Variants in N4BP2 observed in about 807,000 individuals in gnomAD.
The protein encoded by N4BP2 is NEDD4-binding protein 2.
In N4BP2, 91 loss-of-function variants were observed where a neutral mutation model predicts 152.8. The observed-to-expected ratio is 0.60, with a 90% confidence interval of 0.50 to 0.71. The LOEUF (loss-of-function observed/expected upper bound fraction) is 0.71. Ranked by LOEUF, N4BP2 falls within the 30% of genes least tolerant of loss-of-function variation. The pLI, the probability that N4BP2 is intolerant of heterozygous loss-of-function variation, is 0.00. For missense variants in N4BP2, 1,923 were observed against 2,059.1 expected (o/e 0.93, Z 1.28); for synonymous variants, 646 against 705.3 (o/e 0.92, Z 1.33).
chr4:40,180,752 G>A, the N4BP2 span, among the ~76,000 whole-genome samples: 1 of 152,202 alleles, frequency 6.6e-6, no homozygotes, highest in Non-Finnish European at 1.5e-5. Context: ...AAAGGGTGAG[G>A]TTAATCTATT....
chr4:40,170,508 G>A, the N4BP2 span, among the ~76,000 whole-genome samples: 4 of 152,094 alleles, frequency 2.6e-5, no homozygotes, highest in Non-Finnish European at 5.9e-5. Flanking sequence ...AGTCCCATGC[G>A]CCACCACAGT....
In N4BP2 at chr4:40,121,615, T is replaced by C; in HGVS notation, c.3504T>C (p.Thr1168=). Residue 1168 remains threonine (T), a synonymous_variant, in exon 9 of 18, where the codon ACT becomes ACC. Transcript: ENST00000261435. Reference sequence around the variant, plus strand: ...AAGAAATTATTAGCCAAAGAGGAACTTTAGAGAATTCTAATTCTCCTGTGC... The same window carrying C: ...AAGAAATTATTAGCCAAAGAGGAACCTTAGAGAATTCTAATTCTCCTGTGC... ...NLKEIISQRG[T]LENSNSPVPE... The C allele has an allele frequency of 6.2e-7, 1 of 1,614,136 alleles. No individual in the cohort carries two copies. Among genetic ancestry groups the C allele is most frequent in the Non-Finnish European group, 8.5e-7 (1 of 1,179,996 alleles).
chr4:40,111,544 C>G (rs1716885264), intron 5 of N4BP2, among the ~76,000 whole-genome samples: 1 of 152,150 alleles, frequency 6.6e-6, no homozygotes, highest in Non-Finnish European at 1.5e-5. Context: ...TGGTCTCGAA[C>G]TCCTGACCTC....
intron 14 of N4BP2, among the ~76,000 whole-genome samples, chr4:40,141,895 G>A (rs1268642158): frequency 6.6e-6 from 1 of 152,174 alleles, no homozygotes; most frequent in African/African-American, 2.4e-5. Context: ...AGACCAGCCC[G>A]GCCAACACAG....
chr4:40,127,175 C>T (rs1485928346), intron 12 of N4BP2, among the ~76,000 whole-genome samples: 1 of 151,710 alleles, frequency 6.6e-6, no homozygotes, highest in Non-Finnish European at 1.5e-5. Flanking sequence ...AGGCATGAGC[C>T]ACTGTGCCTG....
chr4:40,111,358 T>A (rs1719348668), intron 5 of N4BP2, among the ~76,000 whole-genome samples: 2 of 152,214 alleles, frequency 1.3e-5, no homozygotes, highest in Non-Finnish European at 1.5e-5. Flanking sequence ...TCTTACTCTG[T>A]CACCCAGGCT....
intron 14 of N4BP2, 113 bp from the exon 15 acceptor site, chr4:40,142,560 G>A (rs527473299): frequency 9.0e-6 from 6 of 664,376 alleles, no homozygotes; most frequent in African/African-American, 3.6e-5. Context: ...TTCCTGAGGA[G>A]AGAGATGAAA....
At chr4:40,147,785 G>C (rs923949577) in intron 16 of N4BP2, among the ~76,000 whole-genome samples, 1 of 151,170 alleles carries the variant, frequency 6.6e-6, no homozygotes, top group Non-Finnish European at 1.5e-5. Flanking sequence ...GGCGGCTGCT[G>C]GGCGGAGGGG....
chr4:40,106,929 T>G lies in N4BP2; in HGVS notation c.1403T>G (p.Val468Gly). 1 of 1,610,606 alleles carries G rather than the reference T, an allele frequency of 6.2e-7. No homozygotes were observed. The highest frequency in any genetic ancestry group is 8.5e-7 in the Non-Finnish European group (1 of 1,177,364). ...RTLQEDNPSG[V>G]ILSTDDYFYI... ...TTGCAAGAGGATAATCCAAGTGGAG[T>G]CATTCTTAGTACTGATGATTATTTT... Residue 468 changes from valine to glycine, a missense_variant, in exon 5 of 18, where the codon GTC becomes GGC. By Grantham distance (109) the Val-to-Gly change is moderately radical. Transcript: ENST00000261435.
intron 16 of N4BP2, among the ~76,000 whole-genome samples, chr4:40,150,671 A>AGGG (rs1235855712): frequency 1.0e-4 from 6 of 59,990 alleles, no homozygotes; most frequent in South Asian, 3.2e-3. Flanking sequence ...ACTCTGTCTC[A>AGGG]GGGGGAAAAA....
intron 13 of N4BP2, 102 bp from the exon 14 acceptor site, chr4:40,136,840 AGT>A: frequency 1.2e-6 from 1 of 805,616 alleles, no homozygotes; most frequent in Non-Finnish European, 1.9e-6. Flanking sequence ...AAAGTAAGCC[AGT>A]TTTTCATATT....
intron 1 of N4BP2, among the ~76,000 whole-genome samples, chr4:40,065,713 GA>G (rs1475091332): frequency 6.6e-6 from 1 of 152,150 alleles, no homozygotes; most frequent in Non-Finnish European, 1.5e-5. Flanking sequence ...TGTGCACAGA[GA>G]AAATAAAATT....
At chr4:40,175,555 T>C in the N4BP2 span, among the ~76,000 whole-genome samples, 1 of 152,096 alleles carries the variant, frequency 6.6e-6, no homozygotes, top group Non-Finnish European at 1.5e-5. Context: ...TCACTGAGGC[T>C]CATGCCTGTA....
intron 13 of N4BP2, among the ~76,000 whole-genome samples, chr4:40,132,354 G>T (rs776245462): frequency 1.3e-4 from 20 of 151,944 alleles, no homozygotes; most frequent in Non-Finnish European, 2.5e-4. Context: ...TAGGGAGTCT[G>T]TTATGTCCTA....
intron 12 of N4BP2, among the ~76,000 whole-genome samples, chr4:40,129,742 A>G (rs1049780531): frequency 6.6e-6 from 1 of 151,878 alleles, no homozygotes; most frequent in Non-Finnish European, 1.5e-5. Flanking sequence ...AAGTGCTGGG[A>G]TTGTAAGTGT....
At position 40,057,783 on chromosome 4, in the gene N4BP2, T is replaced by C. The variant is rs559922326; in HGVS notation, c.-212+753T>C. ...CTTTTGGTTAAAATAGTTTTTTTTT[T>C]CCCTCCGAAAGAGAGCTAGAGTAAT... On this transcript the variant is annotated intron_variant, in intron 1 of 17. Transcript: ENST00000261435. 1.1e-4 allele frequency among the ~76,000 whole-genome samples: 16 copies of C among 151,122 alleles called. No individual in the cohort carries two copies. The South Asian group carries it at 2.5e-3, about 24-fold the overall frequency.
chr4:40,089,342 C>T (rs1016163920), intron 2 of N4BP2, among the ~76,000 whole-genome samples: 1 of 151,576 alleles, frequency 6.6e-6, no homozygotes, highest in East Asian at 1.9e-4. Flanking sequence ...TAAGTATTTT[C>T]TCATAGTCTG....
intron 1 of N4BP2, among the ~76,000 whole-genome samples, chr4:40,067,818 C>T (rs1403614927): frequency 6.6e-6 from 1 of 152,088 alleles, no homozygotes. Context: ...CCTGTCTCAG[C>T]CTCCCGAGTA....
chr4:40,176,089 CAAAA>C, the N4BP2 span, among the ~76,000 whole-genome samples: 514 of 83,492 alleles, frequency 6.2e-3, 4 homozygotes, highest in South Asian at 0.028. Flanking sequence ...GACTCCGTCT[CAAAA>C]AAAAAAAAAA....
Sources: gnomAD v4.1 joint callset for allele counts (sites outside exome capture counted in the v4.1 genomes callset) on GRCh38, gnomAD v4.1.1 for gene constraint, MANE v1.5 for transcripts, NCBI Gene and HGNC (gene_info 2026-07-23, HGNC 2026-07-21) for gene names.